The following THRB variants were observed in gnomAD, a reference collection of about 807,000 sequenced individuals.
The protein encoded by THRB is nuclear receptor subfamily 1 group A member 2.
In THRB, 12 loss-of-function variants were observed where a neutral mutation model predicts 47.8. The observed-to-expected ratio is 0.25, with a 90% CI of 0.16 to 0.41. The LOEUF is 0.41. Ranked by LOEUF, THRB falls within the 10% of genes least tolerant of loss-of-function variation. The probability of loss-of-function intolerance (pLI) is 1.00; values close to 1 mark genes in which losing one functional copy is unlikely to be tolerated. For synonymous variants in THRB, 218 were observed against 212.2 expected (o/e 1.03, Z -0.24); for missense variants, 348 against 589.2 (o/e 0.59, Z 4.24).
chr3:24,238,944 C>CT (rs548620071), intron 3 of THRB, among the ~76,000 whole-genome samples: 11,722 of 140,990 alleles, frequency 0.083, 625 homozygotes, highest in Non-Finnish European at 0.12. Flanking sequence ...GCATTAGGTT[C>CT]TTTTTTTTTT....
intron 2 of THRB, among the ~76,000 whole-genome samples, chr3:24,332,729 T>C (rs1292450829): frequency 1.3e-5 from 2 of 152,102 alleles, no homozygotes; most frequent in African/African-American, 2.4e-5. Context: ...ACAGCACCAA[T>C]AGGGAAACAT....
At chr3:24,168,423 G>T (rs1275481195) in intron 5 of THRB, among the ~76,000 whole-genome samples, 1 of 151,066 alleles carries the variant, frequency 6.6e-6, no homozygotes, top group Non-Finnish European at 1.5e-5. Flanking sequence ...CACTTATAGT[G>T]CATCCAACTG....
At chr3:24,419,083 T>G (rs1243622339) in intron 1 of THRB, among the ~76,000 whole-genome samples, 1 of 151,900 alleles carries the variant, frequency 6.6e-6, no homozygotes, top group Non-Finnish European at 1.5e-5. Flanking sequence ...TAATCAATCT[T>G]AGAGCAATAG....
At position 24,135,820 on chromosome 3, in the gene THRB, C is replaced by CATATATATATATATATAT. The variant is rs34338818; in HGVS notation, c.739-2376_739-2359dup. ...GCACACATTCAAAAAGGCAGAGAGT[C>CATATATATATATATATAT]ATATATATATATATATATATATATA... On this transcript the variant is annotated intron_variant, in intron 8 of 10. Transcript: ENST00000646209. Among the ~76,000 whole-genome samples the CATATATATATATATATAT allele has an allele frequency of 8.1e-3, 793 of 98,114 alleles. 2 individuals are homozygous for CATATATATATATATATAT. Among genetic ancestry groups the CATATATATATATATATAT allele is most frequent in the Non-Finnish European group, 9.6e-3 (508 of 52,644 alleles). 64.4% of individuals were successfully genotyped at this position (98,114 alleles called of 152,430 possible). A position where few individuals can be genotyped will look rare whatever the true frequency, so the allele number is the denominator to read the frequency against.
chr3:24,167,295 A>G (rs766436415), intron 5 of THRB, among the ~76,000 whole-genome samples: 1 of 152,200 alleles, frequency 6.6e-6, no homozygotes, highest in Non-Finnish European at 1.5e-5. Flanking sequence ...GAACCTGGAA[A>G]ATGAATCACA....
At chr3:24,260,886 T>C (rs1174746893) in intron 3 of THRB, among the ~76,000 whole-genome samples, 1 of 152,196 alleles carries the variant, frequency 6.6e-6, no homozygotes, top group Non-Finnish European at 1.5e-5. Flanking sequence ...TTACCACAGA[T>C]CAGACTTTAC....
chr3:24,263,228 C>T (rs911480461), intron 3 of THRB, among the ~76,000 whole-genome samples: 1 of 152,146 alleles, frequency 6.6e-6, no homozygotes, highest in African/African-American at 2.4e-5. Context: ...TCTCTCCTTT[C>T]CTGTTCTTTT....
At chr3:24,294,840 A>G (rs2056308201) in intron 3 of THRB, among the ~76,000 whole-genome samples, 1 of 152,238 alleles carries the variant, frequency 6.6e-6, no homozygotes, top group African/African-American at 2.4e-5. Flanking sequence ...GTTTGACTCT[A>G]GGGACTAGCA....
At chr3:24,378,612 C>T (rs2065465555) in intron 1 of THRB, among the ~76,000 whole-genome samples, 1 of 152,062 alleles carries the variant, frequency 6.6e-6, no homozygotes, top group Admixed American at 6.6e-5. Flanking sequence ...TGTATATAGG[C>T]CATTGAGCCT....
intron 5 of THRB, among the ~76,000 whole-genome samples, chr3:24,189,152 C>G (rs2043017153): frequency 6.6e-6 from 1 of 151,796 alleles, no homozygotes; most frequent in African/African-American, 2.4e-5. Flanking sequence ...GTCCTTCATG[C>G]CTTGTAAATG....
chr3:24,275,697 C>G (rs2053850415), intron 3 of THRB, among the ~76,000 whole-genome samples: 1 of 152,122 alleles, frequency 6.6e-6, no homozygotes, highest in Non-Finnish European at 1.5e-5. Context: ...TTGCCGGCTT[C>G]TTTTCTGTCC....
intron 2 of THRB, among the ~76,000 whole-genome samples, chr3:24,324,103 G>T (rs547654506): frequency 6.6e-6 from 1 of 152,196 alleles, no homozygotes; most frequent in East Asian, 1.9e-4. Context: ...CTCACCCCAC[G>T]CTTCATCTCA....
At chr3:24,275,070 A>G (rs553692174) in intron 3 of THRB, among the ~76,000 whole-genome samples, 1 of 152,222 alleles carries the variant, frequency 6.6e-6, no homozygotes, top group East Asian at 1.9e-4. Flanking sequence ...CTTGATTTAC[A>G]CGGCAGCTTG....
chr3:24,480,557 A>G (rs1696207871), intron 1 of THRB, among the ~76,000 whole-genome samples: 1 of 152,208 alleles, frequency 6.6e-6, no homozygotes, highest in Non-Finnish European at 1.5e-5. Context: ...CTTGTACAAG[A>G]ACTCTAATGA....
chr3:24,257,924 C>T (rs2051474200), intron 3 of THRB, among the ~76,000 whole-genome samples: 1 of 152,202 alleles, frequency 6.6e-6, no homozygotes, highest in African/African-American at 2.4e-5. Context: ...AGTTATGTGG[C>T]TTGGCACCTC....
chr3:24,274,100 C>T (rs2053643777), intron 3 of THRB, among the ~76,000 whole-genome samples: 1 of 152,134 alleles, frequency 6.6e-6, no homozygotes, highest in Admixed American at 6.5e-5. Flanking sequence ...TCAGGCGATA[C>T]TGACCTGATC....
At chr3:24,214,817 C>A (rs2046403541) in intron 4 of THRB, among the ~76,000 whole-genome samples, 1 of 152,216 alleles carries the variant, frequency 6.6e-6, no homozygotes, top group South Asian at 2.1e-4. Context: ...GGCCACCAGT[C>A]TTGAAGAGGG....
At chr3:24,228,457 T>G (rs2047906647) in intron 4 of THRB, among the ~76,000 whole-genome samples, 1 of 151,926 alleles carries the variant, frequency 6.6e-6, no homozygotes, top group African/African-American at 2.4e-5. Context: ...TTTATTATAT[T>G]AATTGGAATG....
intron 1 of THRB, among the ~76,000 whole-genome samples, chr3:24,446,268 A>G (rs575644498): frequency 6.6e-6 from 1 of 152,290 alleles, no homozygotes; most frequent in East Asian, 1.9e-4. Context: ...CAAGTGGCTC[A>G]TCAGCCACCT....
Sources: gnomAD v4.1 joint callset for allele counts (sites outside exome capture counted in the v4.1 genomes callset) on GRCh38, gnomAD v4.1.1 for gene constraint, MANE v1.5 for transcripts, NCBI Gene and HGNC (gene_info 2026-07-23, HGNC 2026-07-21) for gene names.